ADGB: variants seen among roughly 807,000 people sequenced by gnomAD.
ADGB encodes calpain-7-like protein.
Under a neutral mutation model 210.5 loss-of-function variants are expected in ADGB, and 172 were observed. The observed-to-expected ratio is 0.82, with a 90% confidence interval of 0.72 to 0.93. ADGB has a LOEUF of 0.93. Ranked by LOEUF, ADGB falls within the 40% of genes least tolerant of loss-of-function variation. The probability of loss-of-function intolerance (pLI) is 0.00; values close to 1 mark genes in which losing one functional copy is unlikely to be tolerated. For synonymous variants in ADGB, 658 were observed against 662.7 expected, an observed-to-expected ratio of 0.99 and a Z score of 0.11; for missense variants, 2,025 against 1,964.8, an observed-to-expected ratio of 1.03 and a Z score of -0.58.
chr6:146,806,810 C>A (rs1218925994), intron 35 of ADGB, among the ~76,000 whole-genome samples: 1 of 152,184 alleles, frequency 6.6e-6, no homozygotes, highest in Non-Finnish European at 1.5e-5. Context: ...AGACAGAAGA[C>A]AATCTAAGAG....
intron 3 of ADGB, among the ~76,000 whole-genome samples, chr6:146,650,430 C>T (rs1354379068): frequency 1.3e-5 from 2 of 151,662 alleles, no homozygotes; most frequent in Admixed American, 6.6e-5. Context: ...AGTATTTGAG[C>T]TCTGACTTTT....
intron 16 of ADGB, among the ~76,000 whole-genome samples, chr6:146,718,943 C>T (rs889921342): frequency 6.6e-6 from 1 of 152,092 alleles, no homozygotes. Flanking sequence ...AGAGATAACA[C>T]AACAATTAAT....
intron 9 of ADGB, among the ~76,000 whole-genome samples, chr6:146,684,759 G>A (rs764632633): frequency 3.3e-5 from 5 of 152,022 alleles, no homozygotes; most frequent in East Asian, 1.9e-4. Flanking sequence ...AGTTAGTTGG[G>A]GAGACAGCGT....
At chr6:146,600,124 T>A (rs931630408) in intron 1 of ADGB, among the ~76,000 whole-genome samples, 4 of 152,186 alleles carry the variant, frequency 2.6e-5, no homozygotes, top group Admixed American at 2.6e-4. Flanking sequence ...AGTCCCTTAG[T>A]TCTAACCTCT....
chr6:146,727,360 CA>C (rs1297885100), intron 19 of ADGB, among the ~76,000 whole-genome samples: 4 of 152,120 alleles, frequency 2.6e-5, no homozygotes, highest in Non-Finnish European at 4.4e-5. Flanking sequence ...TGCCATCTCT[CA>C]CTAGCTCTCT....
At chr6:146,718,908 A>G (rs564885540) in intron 16 of ADGB, among the ~76,000 whole-genome samples, 124 of 151,064 alleles carry the variant, frequency 8.2e-4, no homozygotes, top group Non-Finnish European at 1.5e-3. Context: ...ATGTGAAAAC[A>G]CCTAGAGGAA....
rs1438872575 is a variant in ADGB at position 146,655,330 on chromosome 6, T to C, written c.402+1124T>C. On this transcript the variant is annotated intron_variant, in intron 4 of 35. Transcript: ENST00000397944. ...TGTGATAGTGCAAGGGAAATTGGGGTGTACTTGGATTACAATACCTCTTCC... is the reference window on the plus strand; with the variant it reads ...TGTGATAGTGCAAGGGAAATTGGGGCGTACTTGGATTACAATACCTCTTCC... Among the ~76,000 whole-genome samples the C allele has an allele frequency of 2.6e-5, 4 of 152,178 alleles. No individual in the cohort carries two copies. The East Asian group carries it at 7.8e-4, about 30-fold the overall frequency.
At position 146,612,261 on chromosome 6, in the gene ADGB, G is replaced by T. The variant is rs11969374; in HGVS notation, c.74+13147G>T. Among the ~76,000 whole-genome samples, 279 of 151,990 alleles carry T rather than the reference G, an allele frequency of 1.8e-3. 1 individual carries two copies. The highest frequency in any genetic ancestry group is 6.4e-3 in the African/African-American group (264 of 41,366). On this transcript the variant is annotated intron_variant, in intron 1 of 35. Transcript: ENST00000397944. ...ATTGAAACAATTATTCTTTATTTAA[G>T]ATTACTAAATTAACATCTCTGAACC...
At chr6:146,803,444 G>C in intron 35 of ADGB, 1 of 1,606,406 alleles carries the variant, frequency 6.2e-7, no homozygotes, top group African/African-American at 1.3e-5. Context: ...CTTCCAGGGG[G>C]CTGTTTTTTT....
chr6:146,643,295 A>C (rs1775545727), intron 2 of ADGB, among the ~76,000 whole-genome samples: 1 of 151,914 alleles, frequency 6.6e-6, no homozygotes, highest in African/African-American at 2.4e-5. Context: ...GCCCTCAAAT[A>C]TAACCTGTTT....
chr6:146,747,229 A>C (rs1447027767), intron 26 of ADGB, among the ~76,000 whole-genome samples: 1 of 152,192 alleles, frequency 6.6e-6, no homozygotes, highest in Non-Finnish European at 1.5e-5. Context: ...TTCTCTTTTT[A>C]ATATACACTT....
At chr6:146,756,709 G>A (rs899613995) in intron 27 of ADGB, among the ~76,000 whole-genome samples, 21 of 151,328 alleles carry the variant, frequency 1.4e-4, no homozygotes, top group Admixed American at 4.6e-4. Context: ...CTACCCACTC[G>A]ACATCAACAT....
At chr6:146,781,486 G>A (rs1165090619) in intron 29 of ADGB, among the ~76,000 whole-genome samples, 3 of 148,042 alleles carry the variant, frequency 2.0e-5, no homozygotes, top group Non-Finnish European at 4.5e-5. Context: ...AAAAAAAACC[G>A]AGGATGCAGT....
intron 33 of ADGB, among the ~76,000 whole-genome samples, chr6:146,798,727 G>C (rs776665807): frequency 1.3e-5 from 2 of 149,436 alleles, no homozygotes; most frequent in African/African-American, 2.4e-5. Context: ...CATGATGTAA[G>C]ATTAGTAAAC....
At chr6:146,743,060 C>T (rs1777182145) in intron 25 of ADGB, among the ~76,000 whole-genome samples, 4 of 152,094 alleles carry the variant, frequency 2.6e-5, no homozygotes, top group South Asian at 2.1e-4. Context: ...TAGTTCTTCA[C>T]GAACAAATTT....
At position 146,691,294 on chromosome 6, in the gene ADGB, T is replaced by G; in HGVS notation, c.1486+4T>G. ...GTTATAACAGATGAAGCTCAAGGTA[T>G]GTATCACATCATCTTCAAATCCTTC... On this transcript the variant is annotated splice_donor_region_variant and intron_variant, in intron 11 of 35. Transcript: ENST00000397944. 1 of 1,535,488 alleles carries G rather than the reference T, an allele frequency of 6.5e-7. No individual in the cohort carries two copies. The highest frequency in any genetic ancestry group is 1.4e-5 in the African/African-American group (1 of 70,730).
Position 146,772,576 on chromosome 6 carries a change from T to C in ADGB, c.3862+3445T>C, listed in dbSNP as rs551735370. Among the ~76,000 whole-genome samples, 457 of 147,542 alleles carry C rather than the reference T, an allele frequency of 3.1e-3. 3 individuals are homozygous for C. Among genetic ancestry groups the C allele is most frequent in the African/African-American group, 0.011 (438 of 40,824 alleles). ...GTGTCTCTGATAGAGGGCTGTATTA[T>C]GGTTTTTTCCTATATTAATATGTAA... On this transcript the variant is annotated intron_variant, in intron 29 of 35. Coordinates refer to ENST00000397944, the MANE Select transcript of ADGB (RefSeq NM_024694.4).
rs180931087 is a variant in ADGB at position 146,674,780 on chromosome 6, C to T, written c.1088-1533C>T. Among the ~76,000 whole-genome samples the T allele has an allele frequency of 1.7e-3, 257 of 152,228 alleles. 2 individuals are homozygous for T. Among genetic ancestry groups the T allele is most frequent in the Middle Eastern group, 3.4e-3 (1 of 294 alleles). On this transcript the variant is annotated intron_variant, in intron 8 of 35. Coordinates refer to ENST00000397944, the MANE Select transcript of ADGB (RefSeq NM_024694.4). ...TTGCCAGATGGGTGGGATGAAATGA[C>T]AGAGGAGCAATCCTTATTTAGGGTA...
At chr6:146,814,793 T>A (rs1482844374) in intron 35 of ADGB, among the ~76,000 whole-genome samples, 4 of 152,196 alleles carry the variant, frequency 2.6e-5, no homozygotes, top group African/African-American at 9.7e-5. Context: ...AAGTATGTTT[T>A]GACTATTTTT....
Sources: allele counts gnomAD v4.1 joint callset (sites outside exome capture counted in the v4.1 genomes callset), GRCh38; gene constraint gnomAD v4.1.1; transcripts MANE v1.5; gene names NCBI Gene and HGNC (gene_info 2026-07-23, HGNC 2026-07-21).